The following WWOX variants were observed in gnomAD, a reference collection of about 807,000 sequenced individuals.
The protein encoded by WWOX is WW domain containing oxidoreductase.
A neutral mutation model predicts 46.2 loss-of-function variants in WWOX; 69 were observed. The observed-to-expected ratio is 1.49, with a 90% confidence interval of 1.23 to 1.82. The LOEUF (loss-of-function observed/expected upper bound fraction) is 1.82, where lower values mean the gene tolerates loss of function less well. Ranked by LOEUF, WWOX falls within the 40% of genes most tolerant of loss-of-function variation. The pLI, the probability that WWOX is intolerant of heterozygous loss-of-function variation, is 0.00. For synonymous variants in WWOX, 359 were observed against 202.6 expected (o/e 1.77, Z -6.56); for missense variants, 919 against 542.6 (o/e 1.69, Z -6.89).
intron 8 of WWOX, among the ~76,000 whole-genome samples, chr16:78,475,770 A>T (rs1231715541): frequency 6.6e-6 from 1 of 152,080 alleles, no homozygotes. Flanking sequence ...AATTTTATGC[A>T]TTTTTAGTAG....
chr16:78,425,964 C>G (rs1447208466), intron 7 of WWOX, among the ~76,000 whole-genome samples: 1 of 152,138 alleles, frequency 6.6e-6, no homozygotes, highest in Non-Finnish European at 1.5e-5. Context: ...AATGTAACCC[C>G]TGGGACTTGG....
chr16:78,903,113 G>A (rs112689903), intron 8 of WWOX, among the ~76,000 whole-genome samples: 5 of 152,138 alleles, frequency 3.3e-5, no homozygotes, highest in East Asian at 3.9e-4. Context: ...GAGTGGGAAC[G>A]GCCCAAGCAG....
chr16:79,196,324 A>G (rs185094922), intron 8 of WWOX: 1 of 152,292 alleles, frequency 6.6e-6, no homozygotes, highest in East Asian at 1.9e-4. Flanking sequence ...CAAGTTGAAA[A>G]ATGCTTAAAA....
intron 8 of WWOX, among the ~76,000 whole-genome samples, chr16:78,937,616 T>C (rs994587569): frequency 3.6e-4 from 54 of 148,750 alleles, no homozygotes; most frequent in South Asian, 6.4e-4. Flanking sequence ...TTTATTTATT[T>C]ATTTATTTAT....
chr16:78,305,111 C>T (rs969453369), intron 5 of WWOX, among the ~76,000 whole-genome samples: 1 of 152,168 alleles, frequency 6.6e-6, no homozygotes, highest in African/African-American at 2.4e-5. Flanking sequence ...GCTGTGGATT[C>T]TCAGTCCCCA....
At chr16:78,260,384 A>G (rs936750325) in intron 5 of WWOX, among the ~76,000 whole-genome samples, 2 of 151,712 alleles carry the variant, frequency 1.3e-5, no homozygotes, top group Admixed American at 6.6e-5. Flanking sequence ...TGTAAGGCTC[A>G]TTTACATTAC....
Position 79,044,870 on chromosome 16 carries a change from T to C in WWOX, c.1057-166738T>C, listed in dbSNP as rs957155296. On this transcript the variant is annotated intron_variant, in intron 8 of 8. Coordinates refer to ENST00000566780, the MANE Select transcript of WWOX (RefSeq NM_016373.4). ...GACCCTGTAAAGTCACTCAGCCTCA[T>C]TGAGTCCCCCATCCTCCCCTGTGTA... Among the ~76,000 whole-genome samples, 5 of 152,134 alleles carry C rather than the reference T, an allele frequency of 3.3e-5. 1 individual carries two copies. In the East Asian group the frequency reaches 5.8e-4, roughly 18 times the overall value.
intron 8 of WWOX, among the ~76,000 whole-genome samples, chr16:78,684,649 C>A (rs576187393): frequency 3.3e-5 from 5 of 152,202 alleles, no homozygotes; most frequent in African/African-American, 1.2e-4. Flanking sequence ...TGAGAAAGGA[C>A]TCTGCCCTCA....
At chr16:78,361,255 G>A (rs1436016197) in intron 5 of WWOX, among the ~76,000 whole-genome samples, 1 of 152,066 alleles carries the variant, frequency 6.6e-6, no homozygotes. Flanking sequence ...AAAATGATGT[G>A]GTGTCTTTCT....
At chr16:78,384,899 GC>G (rs1410957046) in intron 5 of WWOX, among the ~76,000 whole-genome samples, 2 of 152,070 alleles carry the variant, frequency 1.3e-5, no homozygotes, top group African/African-American at 4.8e-5. Context: ...ACTTTCGGAG[GC>G]CGGGGTGGGT....
In WWOX at chr16:78,158,912, T is replaced by G. The variant is rs76148074; in HGVS notation, c.410-5271T>G. Among the ~76,000 whole-genome samples the G allele has an allele frequency of 7.2e-5, 11 of 152,304 alleles. No homozygotes were observed. The East Asian group carries it at 2.1e-3, about 29-fold the overall frequency. The stretch of plus-strand genomic sequence containing the variant: ...CTGGCGTACCTGAAACTTCATACCC[T>G]TTGGCTAATACCTCCTTGTTTCTCT... On this transcript the variant is annotated intron_variant, in intron 4 of 8. Coordinates refer to ENST00000566780, the MANE Select transcript of WWOX (RefSeq NM_016373.4).
intron 5 of WWOX, among the ~76,000 whole-genome samples, chr16:78,169,478 C>T (rs1343008857): frequency 5.6e-5 from 1 of 17,986 alleles, no homozygotes; most frequent in African/African-American, 3.1e-4. Flanking sequence ...CCTCTGAGAT[C>T]TCAGGACCTC....
At chr16:78,943,329 C>A (rs1054866097) in intron 8 of WWOX, among the ~76,000 whole-genome samples, 1 of 146,958 alleles carries the variant, frequency 6.8e-6, no homozygotes, top group Non-Finnish European at 1.5e-5. Context: ...AACCCGAGAT[C>A]CAAACCCTTT....
At chr16:78,382,368 G>A (rs191246150) in intron 5 of WWOX, among the ~76,000 whole-genome samples, 71 of 152,348 alleles carry the variant, frequency 4.7e-4, no homozygotes, top group African/African-American at 1.6e-3. Flanking sequence ...GAGGCTGGCA[G>A]TGTTACAGAC....
chr16:78,779,646 A>C (rs1416903688), intron 8 of WWOX, among the ~76,000 whole-genome samples: 2 of 152,214 alleles, frequency 1.3e-5, no homozygotes, highest in Non-Finnish European at 2.9e-5. Flanking sequence ...GAATCGTAGC[A>C]GAGGGCCCCA....
At chr16:78,942,882 G>C (rs1368033762) in intron 8 of WWOX, among the ~76,000 whole-genome samples, 1 of 152,168 alleles carries the variant, frequency 6.6e-6, no homozygotes, top group African/African-American at 2.4e-5. Flanking sequence ...TTTAGAAAGA[G>C]ATGTTCTTTG....
chr16:78,493,226 ACACT>A (rs2084829748), intron 8 of WWOX, among the ~76,000 whole-genome samples: 1 of 152,186 alleles, frequency 6.6e-6, no homozygotes, highest in African/African-American at 2.4e-5. Flanking sequence ...CCTGGACCTG[ACACT>A]CACTCTTTAA....
At chr16:79,049,043 A>G (rs2048117719) in intron 8 of WWOX, among the ~76,000 whole-genome samples, 1 of 152,208 alleles carries the variant, frequency 6.6e-6, no homozygotes, top group Non-Finnish European at 1.5e-5. Flanking sequence ...CCGAGATACA[A>G]AAGCGACAAG....
At chr16:78,619,511 C>G (rs987593303) in intron 8 of WWOX, among the ~76,000 whole-genome samples, 3 of 151,806 alleles carry the variant, frequency 2.0e-5, no homozygotes, top group African/African-American at 7.3e-5. Flanking sequence ...CAACCTCCTC[C>G]TATCCCCTTT....
Sources: allele counts gnomAD v4.1 joint callset (sites outside exome capture counted in the v4.1 genomes callset), GRCh38; gene constraint gnomAD v4.1.1; transcripts MANE v1.5; gene names NCBI Gene and HGNC (gene_info 2026-07-23, HGNC 2026-07-21).